PAN3: variants seen among roughly 807,000 people sequenced by gnomAD.
PAN3 encodes the protein PAN2-PAN3 deadenylation complex subunit PAN3.
A neutral mutation model predicts 96.2 loss-of-function variants in PAN3; 19 were observed. The observed-to-expected ratio is 0.20, with a 90% CI of 0.14 to 0.29. PAN3 has a LOEUF of 0.29. Among genes scored for constraint, PAN3 ranks in the 10% least tolerant of loss-of-function variants. The pLI is 1.00. For missense variants in PAN3, 882 were observed against 1,108.1 expected (o/e 0.80, Z 2.90); for synonymous variants, 433 against 406.6 (o/e 1.06, Z -0.78).
intron 5 of PAN3, among the ~76,000 whole-genome samples, chr13:28,209,626 T>C (rs1295626210): frequency 1.3e-5 from 2 of 152,232 alleles, no homozygotes; most frequent in Admixed American, 6.5e-5. Flanking sequence ...AAAAAAGTGC[T>C]GTGCTAACCT....
At chr13:28,157,965 A>C (rs1872425678) in intron 1 of PAN3, among the ~76,000 whole-genome samples, 1 of 152,232 alleles carries the variant, frequency 6.6e-6, no homozygotes, top group Non-Finnish European at 1.5e-5. Flanking sequence ...AGGCTGTAGT[A>C]ATCAAAACAG....
At position 28,215,677 on chromosome 13, in the gene PAN3, G is replaced by T. The variant is rs554566624; in HGVS notation, c.853-4554G>T. On this transcript the variant is annotated intron_variant, in intron 5 of 18. Coordinates refer to ENST00000380958, the MANE Select transcript of PAN3 (RefSeq NM_175854.8). ...CATTTTGGTAATAAGCTGGAAGATG[G>T]CCCTAAATTCTTGAAGTCTGGTGAT... 3.3e-5 allele frequency: 48 copies of T among 1,476,494 alleles called. 1 individual carries two copies. In the South Asian group the frequency reaches 5.6e-4, roughly 17 times the overall value. 91.5% of individuals were successfully genotyped at this position (1,476,494 alleles called of 1,614,324 possible).
At chr13:28,197,757 G>A in intron 5 of PAN3, among the ~76,000 whole-genome samples, 1 of 151,912 alleles carries the variant, frequency 6.6e-6, no homozygotes, top group Non-Finnish European at 1.5e-5. Flanking sequence ...TTTTAGTAGA[G>A]ATGGGGTCTC....
At chr13:28,280,707 G>A (rs1227924436) in intron 16 of PAN3, among the ~76,000 whole-genome samples, 166 bp downstream of exon 16, 2 of 151,778 alleles carry the variant, frequency 1.3e-5, no homozygotes, top group African/African-American at 4.8e-5. Context: ...GATTACAGGT[G>A]TACGCCACCA....
chr13:28,253,896 T>C (rs1037157454), intron 6 of PAN3, among the ~76,000 whole-genome samples: 3 of 152,248 alleles, frequency 2.0e-5, no homozygotes, highest in African/African-American at 7.2e-5. Flanking sequence ...GAACTCTTGA[T>C]ACCCTATAGT....
At chr13:28,261,072 T>C (rs1885680109) in intron 8 of PAN3, among the ~76,000 whole-genome samples, 2 of 152,198 alleles carry the variant, frequency 1.3e-5, no homozygotes, top group Admixed American at 6.5e-5. Flanking sequence ...TCTACCAGTA[T>C]AGTGTTTTTT....
chr13:28,257,655 A>C lies in PAN3; in HGVS notation c.1248+1116A>C, dbSNP rs1196809740. On this transcript the variant is annotated intron_variant, in intron 7 of 18. Transcript: ENST00000380958. ...TATAAATATATTGTAAAATACATATATATTTTATATATATGTAAAGTTATT... is the reference window on the plus strand; with the variant it reads ...TATAAATATATTGTAAAATACATATCTATTTTATATATATGTAAAGTTATT... Among the ~76,000 whole-genome samples, 9 of 135,772 alleles carry C rather than the reference A, an allele frequency of 6.6e-5. No individual in the cohort carries two copies. In the Admixed American group the frequency reaches 7.0e-4, roughly 11 times the overall value. The allele number at this position is 135,772 out of a possible 152,430, so 89.1% of individuals were successfully genotyped here.
intron 15 of PAN3, 90 bp downstream of exon 15, chr13:28,277,466 CTA>C (rs1386849179): frequency 3.0e-6 from 4 of 1,345,900 alleles, no homozygotes; most frequent in Non-Finnish European, 4.1e-6. Context: ...TTGGTTCCCA[CTA>C]TTTAAAATCA....
intron 6 of PAN3, among the ~76,000 whole-genome samples, chr13:28,249,148 ATTTG>A (rs981296458): frequency 4.6e-5 from 7 of 152,016 alleles, no homozygotes; most frequent in Admixed American, 1.3e-4. Context: ...TTATTTATTT[ATTTG>A]TTTGTTTGTT....
chr13:28,166,788 G>T (rs1873601661), intron 1 of PAN3, among the ~76,000 whole-genome samples: 1 of 152,192 alleles, frequency 6.6e-6, no homozygotes, highest in South Asian at 2.1e-4. Flanking sequence ...TTGCCCTCCA[G>T]AGTGGAGGCC....
chr13:28,215,102 G>T, intron 5 of PAN3: 1 of 852,814 alleles, frequency 1.2e-6, no homozygotes, highest in Non-Finnish European at 2.0e-6. Flanking sequence ...TTGCTGGTTG[G>T]AATTGTGACA....
chr13:28,197,119 T>C lies in PAN3; in HGVS notation c.691-66T>C, dbSNP rs1878145407. On this transcript the variant is annotated intron_variant, in intron 4 of 18. Coordinates refer to ENST00000380958, the MANE Select transcript of PAN3 (RefSeq NM_175854.8). ...TTCCCAGTATCCTGTATATGTTAGT[T>C]ATGTTAGTTTAGATTAGTGTGGGGG... The C allele has an allele frequency of 2.6e-6, 4 of 1,523,658 alleles. No individual in the cohort carries two copies. The African/African-American group carries it at 5.5e-5, about 21-fold the overall frequency. 94.4% of individuals were successfully genotyped at this position (1,523,658 alleles called of 1,614,324 possible). A position where few individuals can be genotyped will look rare whatever the true frequency, so the allele number is the denominator to read the frequency against.
Position 28,177,877 on chromosome 13 carries a change from C to T in PAN3, c.632C>T (p.Ser211Leu). ...ACTTACCTTTCAGATCCTCTAACAT[C>T]ACCTGCTTCATCCTTGTTTAATGAC... Reference protein sequence around the residue: ...KPYSAHDPLTSPASSLFNDFG... With the variant: ...KPYSAHDPLTLPASSLFNDFG... Residue 211 changes from serine (S) to leucine (L), a missense_variant, in exon 4 of 19, where the codon TCA becomes TTA. Physicochemically the swap from Ser to Leu is moderately radical, Grantham distance 145. This residue lies in a region of PAN3 where 442 missense variants were observed against 422.8 expected (regional missense o/e 1.05). Coordinates refer to ENST00000380958, the MANE Select transcript of PAN3 (RefSeq NM_175854.8). 1 of 1,613,032 alleles carries T rather than the reference C, an allele frequency of 6.2e-7. No homozygotes were observed.
intron 1 of PAN3, among the ~76,000 whole-genome samples, chr13:28,147,832 A>G (rs1870873599): frequency 6.6e-6 from 1 of 152,194 alleles, no homozygotes; most frequent in Admixed American, 6.5e-5. Context: ...GTTGGCATGT[A>G]GGTAATAGCC....
chr13:28,144,220 T>A (rs544230996), intron 1 of PAN3, among the ~76,000 whole-genome samples: 1 of 142,474 alleles, frequency 7.0e-6, no homozygotes, highest in Admixed American at 7.0e-5. Flanking sequence ...TGTTTTTTTT[T>A]TTTTTTTTTT....
intron 17 of PAN3, among the ~76,000 whole-genome samples, chr13:28,287,185 C>A (rs954230405): frequency 6.6e-6 from 1 of 152,222 alleles, no homozygotes; most frequent in Non-Finnish European, 1.5e-5. Context: ...ACTACTTCCT[C>A]TGGAAAACCT....
intron 7 of PAN3, among the ~76,000 whole-genome samples, chr13:28,259,682 A>G (rs1448126000): frequency 6.6e-6 from 1 of 151,530 alleles, no homozygotes; most frequent in Non-Finnish European, 1.5e-5. Flanking sequence ...CTTGTTGCCT[A>G]GGCTGGAGTA....
intron 4 of PAN3, among the ~76,000 whole-genome samples, chr13:28,184,271 T>A (rs758825550): frequency 6.4e-5 from 8 of 125,296 alleles, no homozygotes; most frequent in Non-Finnish European, 1.2e-4. Flanking sequence ...ACCTAAATAA[T>A]TATTTTATAA....
At chr13:28,220,165 CTAG>C in intron 5 of PAN3, 63 bp from the exon 6 acceptor site, 1 of 1,473,140 alleles carries the variant, frequency 6.8e-7, no homozygotes, top group Non-Finnish European at 9.3e-7. Flanking sequence ...TGGAATATGC[CTAG>C]TAGATTCAAT....
Sources: gnomAD v4.1 joint callset for allele counts (sites outside exome capture counted in the v4.1 genomes callset) on GRCh38, gnomAD v4.1.1 for gene constraint, gnomAD v4.1.1 regional missense constraint, MANE v1.5 for transcripts, NCBI Gene and HGNC (gene_info 2026-07-23, HGNC 2026-07-21) for gene names.